The following FRMD6 variants were observed in gnomAD, a reference collection of about 807,000 sequenced individuals.
FRMD6 encodes the protein FERM domain-containing protein 6.
A neutral mutation model predicts 73.2 loss-of-function variants in FRMD6; 37 were observed. That is an observed-to-expected ratio of 0.51 (90% confidence interval 0.39 to 0.66). The LOEUF is 0.66. Among genes scored for constraint, FRMD6 ranks in the 30% least tolerant of loss-of-function variants. FRMD6 has a pLI of 0.00. For missense variants in FRMD6, 714 were observed against 780.5 expected (o/e 0.91, Z 1.02); for synonymous variants, 273 against 282.2 (o/e 0.97, Z 0.33).
upstream of FRMD6, among the ~76,000 whole-genome samples, chr14:51,488,900 C>G (rs951482216): frequency 6.6e-6 from 1 of 152,188 alleles, no homozygotes. Flanking sequence ...TATTTTATCC[C>G]GAGAGCTTGA....
At chr14:51,675,628 T>C (rs975055208) in intron 1 of FRMD6, among the ~76,000 whole-genome samples, 8 of 152,190 alleles carry the variant, frequency 5.3e-5, no homozygotes, top group Non-Finnish European at 1.0e-4. Flanking sequence ...CAAGGGGGTG[T>C]TAAACAAGGA....
At chr14:51,580,356 G>C (rs1381618900) in intron 2 of FRMD6, among the ~76,000 whole-genome samples, 1 of 152,178 alleles carries the variant, frequency 6.6e-6, no homozygotes, top group Non-Finnish European at 1.5e-5. Flanking sequence ...TTTAGTAGCA[G>C]AATTGCAAAC....
the FRMD6 span, among the ~76,000 whole-genome samples, chr14:51,473,976 C>T: frequency 2.6e-5 from 4 of 152,138 alleles, no homozygotes; most frequent in Admixed American, 6.5e-5. Flanking sequence ...TTATTGAGCA[C>T]GTATCACATT....
chr14:51,397,968 A>G, the FRMD6 span, among the ~76,000 whole-genome samples: 1 of 152,202 alleles, frequency 6.6e-6, no homozygotes, highest in East Asian at 1.9e-4. Context: ...TCTGGTCCCA[A>G]GCATTTCAGA....
chr14:51,419,279 C>A, the FRMD6 span, among the ~76,000 whole-genome samples: 1 of 152,212 alleles, frequency 6.6e-6, no homozygotes, highest in Non-Finnish European at 1.5e-5. Flanking sequence ...CTGGGAGCTG[C>A]AGACTGGAGC....
At chr14:51,619,825 A>G (rs1463270505) in intron 2 of FRMD6, among the ~76,000 whole-genome samples, 1 of 152,180 alleles carries the variant, frequency 6.6e-6, no homozygotes, top group Non-Finnish European at 1.5e-5. Context: ...GGGGTATAAT[A>G]TTACTCCATG....
the FRMD6 span, among the ~76,000 whole-genome samples, chr14:51,412,034 C>T: frequency 6.6e-6 from 1 of 152,116 alleles, no homozygotes; most frequent in East Asian, 1.9e-4. Flanking sequence ...CTGTTAAAGT[C>T]TTCACTATTG....
intron 2 of FRMD6, among the ~76,000 whole-genome samples, chr14:51,646,393 G>C (rs1022374043): frequency 1.3e-5 from 2 of 149,238 alleles, no homozygotes; most frequent in African/African-American, 5.0e-5. Flanking sequence ...GTTATCACTA[G>C]TGTTTCAAAG....
intron 1 of FRMD6, among the ~76,000 whole-genome samples, chr14:51,670,745 A>G (rs1893946559): frequency 6.6e-6 from 1 of 151,874 alleles, no homozygotes; most frequent in African/African-American, 2.4e-5. Flanking sequence ...TCCTGGGTTC[A>G]AGCGATTCTC....
chr14:51,515,485 C>T (rs1884576390), intron 1 of FRMD6, among the ~76,000 whole-genome samples: 1 of 152,186 alleles, frequency 6.6e-6, no homozygotes, highest in African/African-American at 2.4e-5. Context: ...AACTGGTGCC[C>T]CCATTTGTTG....
intron 2 of FRMD6, among the ~76,000 whole-genome samples, chr14:51,578,261 G>A (rs1476189157): frequency 6.6e-6 from 1 of 152,068 alleles, no homozygotes; most frequent in Admixed American, 6.5e-5. Context: ...AATCCTGAGT[G>A]TCAAAAAACT....
chr14:51,624,022 C>T (rs61969829), intron 2 of FRMD6, among the ~76,000 whole-genome samples: 1 of 152,094 alleles, frequency 6.6e-6, no homozygotes, highest in Non-Finnish European at 1.5e-5. Context: ...ATCTGGAGGT[C>T]GTCATCCTTA....
At chr14:51,651,302 G>C (rs1892354334), upstream of FRMD6, 3 of 152,336 alleles carry the variant, frequency 2.0e-5, no homozygotes, top group African/African-American at 7.2e-5. Flanking sequence ...GAGGCGCGGC[G>C]TCTCGAGTGG....
chr14:51,609,975 T>C (rs1278753706), intron 2 of FRMD6, among the ~76,000 whole-genome samples: 2 of 152,194 alleles, frequency 1.3e-5, no homozygotes, highest in Non-Finnish European at 2.9e-5. Flanking sequence ...AGGAATATCA[T>C]GTTCAGATAG....
At chr14:51,651,278 A>G (rs1040078815), upstream of FRMD6, 1 of 152,332 alleles carries the variant, frequency 6.6e-6, no homozygotes, top group African/African-American at 2.4e-5. Context: ...CCCTCCATCC[A>G]GCGTGAAACC....
chr14:51,689,596 C>T, intron 1 of FRMD6, 95 bp from the exon 2 acceptor site: 1 of 482,942 alleles, frequency 2.1e-6, no homozygotes, highest in East Asian at 3.2e-5. Flanking sequence ...GTCCCTGTGC[C>T]CACAATAGTA....
rs1364892211 is a variant in FRMD6 at position 51,729,301 on chromosome 14, TG to T, written c.*1277del. ...CAACAAAGTTGAAAACCACTGATCC[TG>T]GGGGTGTCTTGTTAATTTTGAAGTA... is the stretch of plus-strand genomic sequence containing the variant. On this transcript the variant is annotated 3_prime_UTR_variant, in exon 14 of 14. Transcript: ENST00000344768. The T allele has an allele frequency of 1.3e-5, 2 of 152,372 alleles. No individual in the cohort carries two copies. The highest frequency in any genetic ancestry group is 2.9e-5 in the Non-Finnish European group (2 of 68,024). 9.4% of individuals were successfully genotyped at this position (152,372 alleles called of 1,614,324 possible).
At chr14:51,538,822 G>C (rs949086840) in intron 1 of FRMD6, among the ~76,000 whole-genome samples, 2 of 152,114 alleles carry the variant, frequency 1.3e-5, no homozygotes, top group African/African-American at 4.8e-5. Flanking sequence ...GTTTGAAATT[G>C]GGAAATATGT....
chr14:51,704,115 G>A (rs576491917), intron 5 of FRMD6, among the ~76,000 whole-genome samples: 107 of 152,088 alleles, frequency 7.0e-4, no homozygotes, highest in African/African-American at 2.5e-3. Context: ...AAACATAACA[G>A]TAATGTAACA....
Sources: gnomAD v4.1 joint callset for allele counts (sites outside exome capture counted in the v4.1 genomes callset) on GRCh38, gnomAD v4.1.1 for gene constraint, MANE v1.5 for transcripts, NCBI Gene and HGNC (gene_info 2026-07-23, HGNC 2026-07-21) for gene names.